Variants in SRGAP2 observed in about 807,000 individuals in gnomAD.
SRGAP2 encodes SLIT-ROBO Rho GTPase-activating protein 2.
Under a neutral mutation model 57.2 loss-of-function variants are expected in SRGAP2, and 15 were observed. The ratio of observed to expected loss-of-function variants is 0.26; its 90% CI spans 0.18 to 0.40. SRGAP2 has a LOEUF of 0.40. Among genes scored for constraint, SRGAP2 ranks in the 10% least tolerant of loss-of-function variants. The pLI is 1.00. For synonymous variants in SRGAP2, 249 were observed against 248.0 expected (o/e 1.00, Z -0.04); for missense variants, 520 against 669.6 (o/e 0.78, Z 2.47).
At chr1:206,319,406 G>A (rs879952485) in intron 3 of SRGAP2, among the ~76,000 whole-genome samples, 4 of 151,672 alleles carry the variant, frequency 2.6e-5, no homozygotes, top group Non-Finnish European at 4.4e-5. Flanking sequence ...GCGAGACTCC[G>A]TCTCAAAAAA....
chr1:206,425,800 G>GCTGGGATTA (rs1320610438), intron 13 of SRGAP2, among the ~76,000 whole-genome samples: 1 of 150,220 alleles, frequency 6.7e-6, no homozygotes, highest in Non-Finnish European at 1.5e-5. Flanking sequence ...CTCCCAAAGT[G>GCTGGGATTA]CTGGGATTAC....
At chr1:206,383,267 C>G (rs1553347608) in intron 4 of SRGAP2, among the ~76,000 whole-genome samples, 2 of 150,288 alleles carry the variant, frequency 1.3e-5, no homozygotes, top group Non-Finnish European at 1.5e-5. Flanking sequence ...TCAGCTGATC[C>G]ACCCACCTTG....
chr1:206,334,565 C>A (rs1304981454), intron 3 of SRGAP2, among the ~76,000 whole-genome samples: 1 of 152,058 alleles, frequency 6.6e-6, no homozygotes. Context: ...TTCTCAGTGG[C>A]TTATTGCTAT....
intron 4 of SRGAP2, among the ~76,000 whole-genome samples, chr1:206,355,255 G>C (rs1299862505): frequency 1.3e-5 from 2 of 152,186 alleles, no homozygotes; most frequent in Non-Finnish European, 2.9e-5. Context: ...CCATCTTCTA[G>C]ATTTGTTTGG....
At chr1:206,305,753 C>A (rs1672153273) in intron 3 of SRGAP2, among the ~76,000 whole-genome samples, 2 of 149,794 alleles carry the variant, frequency 1.3e-5, no homozygotes, top group African/African-American at 5.0e-5. Context: ...TTGTTTATTG[C>A]CTTAATAATA....
In SRGAP2 at chr1:206,241,773, C is replaced by T. The variant is rs1271689204; in HGVS notation, c.67+35736C>T. ...TTCTCGAACCTATGTCAGAATATTC[C>T]GCTTTGAAAGATGAGGGTTTTTCTT... On this transcript the variant is annotated intron_variant, in intron 2 of 22. Transcript: ENST00000573034. 1.5e-4 allele frequency among the ~76,000 whole-genome samples: 22 copies of T among 150,774 alleles called. No individual in the cohort carries two copies. The East Asian group carries it at 3.9e-3, about 27-fold the overall frequency.
chr1:206,310,436 C>T (rs1672555997), intron 3 of SRGAP2, among the ~76,000 whole-genome samples: 3 of 152,156 alleles, frequency 2.0e-5, no homozygotes, highest in South Asian at 4.1e-4. Context: ...AATTATCCCT[C>T]ACCTGATATA....
chr1:206,422,536 G>C (rs1660408732), intron 13 of SRGAP2, among the ~76,000 whole-genome samples: 1 of 152,200 alleles, frequency 6.6e-6, no homozygotes, highest in Admixed American at 6.5e-5. Context: ...TGCATATCTT[G>C]CAGAGGGAGC....
intron 4 of SRGAP2, among the ~76,000 whole-genome samples, chr1:206,367,028 T>A (rs1654074768): frequency 6.6e-6 from 1 of 151,060 alleles, no homozygotes; most frequent in Admixed American, 6.6e-5. Context: ...TGGTGAGACA[T>A]GCTTTTGCCA....
chr1:206,273,099 G>C (rs2102661073), intron 2 of SRGAP2, among the ~76,000 whole-genome samples: 1 of 152,128 alleles, frequency 6.6e-6, no homozygotes, highest in South Asian at 2.1e-4. Context: ...AAACTCCTTT[G>C]TTCCACTTTT....
At position 206,240,982 on chromosome 1, in the gene SRGAP2, G is replaced by T. The variant is rs528722107; in HGVS notation, c.67+34945G>T. On this transcript the variant is annotated intron_variant, in intron 2 of 22. Transcript: ENST00000573034. ...GTGGATTGCTTGAACCCAGGAGTTC[G>T]AGAGCAGCCTGGGCAACATAAGGAG... Among the ~76,000 whole-genome samples, 241 of 152,304 alleles carry T rather than the reference G, an allele frequency of 1.6e-3. 1 individual carries two copies. Among genetic ancestry groups the T allele is most frequent in the African/African-American group, 5.3e-3 (220 of 41,570 alleles).
intron 17 of SRGAP2, among the ~76,000 whole-genome samples, chr1:206,441,636 G>A (rs539082791): frequency 6.6e-6 from 1 of 152,284 alleles, no homozygotes; most frequent in African/African-American, 2.4e-5. Flanking sequence ...ATTGTGTCTT[G>A]AGAACAATGA....
In SRGAP2 at chr1:206,205,732, C is replaced by G; in HGVS notation, c.-239C>G. On this transcript the variant is annotated 5_prime_UTR_variant, in exon 2 of 23. Coordinates refer to ENST00000573034, the MANE Select transcript of SRGAP2 (RefSeq NM_015326.5). Reference sequence around the variant, plus strand: ...CCCGGCTAATGCTGAGGCTGCGGCTCCGGCTCTAGCACAGGCACCAGCCGC... The same window carrying G: ...CCCGGCTAATGCTGAGGCTGCGGCTGCGGCTCTAGCACAGGCACCAGCCGC... 1 of 574,488 alleles carries G rather than the reference C, an allele frequency of 1.7e-6. No homozygotes were observed. The highest frequency in any genetic ancestry group is 3.2e-6 in the Non-Finnish European group (1 of 312,612). The allele number at this position is 574,488 out of a possible 1,614,324, so 35.6% of individuals were successfully genotyped here.
At chr1:206,424,587 G>A (rs1258236404) in intron 13 of SRGAP2, among the ~76,000 whole-genome samples, 2 of 152,152 alleles carry the variant, frequency 1.3e-5, no homozygotes, top group African/African-American at 2.4e-5. Context: ...CCTGGGAAGC[G>A]GAGGTTCCAG....
chr1:206,372,935 CTTTCTTTCTTTCTTTCTTTCT>C lies in SRGAP2; in HGVS notation c.424-11070_424-11050del, dbSNP rs1654701983. ...TCTTTCTTTCTTTCTTTCTTTCTTT[CTTTCTTTCTTTCTTTCTTTCT>C]TTTCTTTCCTTTCTTTCTTTCTTTC... On this transcript the variant is annotated intron_variant, in intron 4 of 22. Transcript: ENST00000573034. Among the ~76,000 whole-genome samples the C allele has an allele frequency of 8.9e-4, 7 of 7,846 alleles. No homozygotes were observed. In the African/African-American group the frequency reaches 0.012, roughly 14 times the overall value. 5.1% of individuals were successfully genotyped at this position (7,846 alleles called of 152,430 possible).
chr1:206,450,492 G>A (rs1663173304), intron 19 of SRGAP2, 27 bp downstream of exon 19: 2 of 779,850 alleles, frequency 2.6e-6, no homozygotes, highest in Non-Finnish European at 4.8e-6. Context: ...CCTGGTCAGT[G>A]GGGACGCCAG....
At chr1:206,392,113 A>G (rs1252046339) in intron 5 of SRGAP2, among the ~76,000 whole-genome samples, 5 of 152,256 alleles carry the variant, frequency 3.3e-5, no homozygotes, top group Admixed American at 6.5e-5. Context: ...GATAACTGGC[A>G]TTGCAGTTGC....
At chr1:206,438,360 T>G (rs1661964861) in intron 16 of SRGAP2, among the ~76,000 whole-genome samples, 1 of 152,146 alleles carries the variant, frequency 6.6e-6, no homozygotes, top group African/African-American at 2.4e-5. Flanking sequence ...GGGCTTTATC[T>G]TTTTTTAGTA....
chr1:206,339,014 C>G (rs1364331487), intron 3 of SRGAP2, among the ~76,000 whole-genome samples: 6 of 151,936 alleles, frequency 3.9e-5, no homozygotes, highest in Non-Finnish European at 5.9e-5. Context: ...TTCGTTTCAG[C>G]ATCTGGTTTT....
Sources: allele counts gnomAD v4.1 joint callset (sites outside exome capture counted in the v4.1 genomes callset), GRCh38; gene constraint gnomAD v4.1.1; transcripts MANE v1.5; gene names NCBI Gene and HGNC (gene_info 2026-07-23, HGNC 2026-07-21).